SCN8A: variants seen among roughly 807,000 people sequenced by gnomAD.
SCN8A encodes sodium channel protein type 8 subunit alpha.
SCN8A carries 30 observed loss-of-function variants against 184.1 expected under a neutral mutation model. That is an observed-to-expected ratio of 0.16 (90% CI 0.12 to 0.22). The LOEUF is 0.22. Ranked by LOEUF, SCN8A falls within the 10% of genes least tolerant of loss-of-function variation. The pLI is 1.00. For missense variants in SCN8A, 1,057 were observed against 2,498.9 expected (o/e 0.42, Z 12.30); for synonymous variants, 852 against 907.0 (o/e 0.94, Z 1.09).
At chr12:51,723,643 AG>A (rs1318002763) in intron 12 of SCN8A, among the ~76,000 whole-genome samples, 1 of 152,198 alleles carries the variant, frequency 6.6e-6, no homozygotes, top group African/African-American at 2.4e-5. Flanking sequence ...TGGGAGGCCA[AG>A]GCAGGTGGAT....
chr12:51,802,758 TA>T (rs1938590974), intron 26 of SCN8A, among the ~76,000 whole-genome samples: 1 of 152,200 alleles, frequency 6.6e-6, no homozygotes, highest in South Asian at 2.1e-4. Flanking sequence ...ACAGAGTCAC[TA>T]AACTCCTTGC....
chr12:51,645,242 G>A (rs1208963654), intron 1 of SCN8A, among the ~76,000 whole-genome samples: 3 of 150,112 alleles, frequency 2.0e-5, no homozygotes, highest in East Asian at 2.0e-4. Context: ...CGCCCCATCC[G>A]GGAAGTGAGG....
chr12:51,775,614 C>T (rs1423958668), intron 20 of SCN8A, among the ~76,000 whole-genome samples: 1 of 152,206 alleles, frequency 6.6e-6, no homozygotes, highest in Admixed American at 6.5e-5. Flanking sequence ...GTGGAAGGAC[C>T]TGTACCCCCC....
At chr12:51,688,116 A>G (rs1344363029) in intron 5 of SCN8A, among the ~76,000 whole-genome samples, 1 of 152,242 alleles carries the variant, frequency 6.6e-6, no homozygotes, top group Non-Finnish European at 1.5e-5. Flanking sequence ...ATGAATACAC[A>G]TTAGTGTTCA....
chr12:51,644,038 ATTAT>A (rs1387292118), intron 1 of SCN8A, among the ~76,000 whole-genome samples: 2 of 152,218 alleles, frequency 1.3e-5, no homozygotes, highest in African/African-American at 4.8e-5. Flanking sequence ...TCAACACATA[ATTAT>A]TTGATGATAG....
intron 13 of SCN8A, among the ~76,000 whole-genome samples, chr12:51,748,125 T>C (rs1942542258): frequency 6.6e-6 from 1 of 152,216 alleles, no homozygotes; most frequent in South Asian, 2.1e-4. Flanking sequence ...TAAGAGGGAA[T>C]GAAACATCCA....
chr12:51,721,946 GGAAGAACA>G (rs1490423862), intron 12 of SCN8A, 38 bp downstream of exon 12: 3 of 1,599,194 alleles, frequency 1.9e-6, no homozygotes, highest in Non-Finnish European at 2.5e-6. Flanking sequence ...GACAGTGTAA[GGAAGAACA>G]CAAATAGATC....
At chr12:51,787,220 A>G (rs1325553043) in intron 22 of SCN8A, among the ~76,000 whole-genome samples, 1 of 152,146 alleles carries the variant, frequency 6.6e-6, no homozygotes, top group Non-Finnish European at 1.5e-5. Flanking sequence ...AATAGTACAT[A>G]CTCACCACAC....
At chr12:51,702,679 ATGG>A in intron 8 of SCN8A, 91 bp from the exon 9 acceptor site, 1 of 957,136 alleles carries the variant, frequency 1.0e-6, no homozygotes, top group Non-Finnish European at 1.4e-6. Flanking sequence ...CTCCAAGGTC[ATGG>A]AGTAAATAGA....
chr12:51,718,326 T>A (rs545586781), intron 11 of SCN8A, among the ~76,000 whole-genome samples: 344 of 151,530 alleles, frequency 2.3e-3, no homozygotes, highest in African/African-American at 6.8e-3. Context: ...TTAAAAAAAA[T>A]TTTTTTTTAA....
At chr12:51,730,262 G>A (rs1391810304) in intron 12 of SCN8A, among the ~76,000 whole-genome samples, 4 of 152,182 alleles carry the variant, frequency 2.6e-5, no homozygotes, top group African/African-American at 9.7e-5. Flanking sequence ...TATCCAGTCT[G>A]TTAGCACCAT....
chr12:51,739,265 G>A (rs963175609), intron 12 of SCN8A, among the ~76,000 whole-genome samples: 3 of 152,002 alleles, frequency 2.0e-5, no homozygotes, highest in African/African-American at 7.3e-5. Context: ...ACAGGGAACC[G>A]CCAAACCTCT....
intron 2 of SCN8A, among the ~76,000 whole-genome samples, chr12:51,675,512 T>TTCAA (rs1252853991): frequency 6.6e-6 from 1 of 152,060 alleles, no homozygotes; most frequent in Admixed American, 6.6e-5. Context: ...GTAGAGGAGA[T>TTCAA]TCGTTCATTG....
intron 1 of SCN8A, among the ~76,000 whole-genome samples, chr12:51,627,255 A>G (rs1940099541): frequency 6.6e-6 from 1 of 152,210 alleles, no homozygotes; most frequent in Admixed American, 6.5e-5. Flanking sequence ...CATGATTACA[A>G]CTTGTTCTAT....
intron 1 of SCN8A, among the ~76,000 whole-genome samples, chr12:51,593,930 T>A (rs1290434848): frequency 6.6e-6 from 1 of 152,216 alleles, no homozygotes; most frequent in Admixed American, 6.5e-5. Context: ...AGCAAGCAAC[T>A]GTTAATATTC....
At chr12:51,692,509 C>T (rs577868423) in intron 6 of SCN8A, among the ~76,000 whole-genome samples, 7 of 152,148 alleles carry the variant, frequency 4.6e-5, no homozygotes, top group East Asian at 1.9e-4. Flanking sequence ...TTATGCTTTC[C>T]GTTTTGCTCC....
At chr12:51,721,067 C>CAA (rs1337918444) in intron 11 of SCN8A, among the ~76,000 whole-genome samples, 4 of 58,070 alleles carry the variant, frequency 6.9e-5, no homozygotes, top group African/African-American at 3.0e-4. Flanking sequence ...AACTCCATCT[C>CAA]AAAAAAAAAA....
intron 1 of SCN8A, among the ~76,000 whole-genome samples, chr12:51,622,000 A>G (rs1162391124): frequency 6.6e-6 from 1 of 152,218 alleles, no homozygotes; most frequent in Non-Finnish European, 1.5e-5. Flanking sequence ...ACAAGACAGT[A>G]TCTCAAGTGC....
chr12:51,793,049 A>G (rs1440652353), intron 25 of SCN8A, among the ~76,000 whole-genome samples: 2 of 152,104 alleles, frequency 1.3e-5, no homozygotes, highest in South Asian at 2.1e-4. Context: ...GCACCTGGCC[A>G]TGATCCATTT....
Sources: gnomAD v4.1 joint callset for allele counts (sites outside exome capture counted in the v4.1 genomes callset) on GRCh38, gnomAD v4.1.1 for gene constraint, MANE v1.5 for transcripts, NCBI Gene and HGNC (gene_info 2026-07-23, HGNC 2026-07-21) for gene names.